The following ITIH1 variants were observed in gnomAD, a reference collection of about 807,000 sequenced individuals.
The protein encoded by ITIH1 is inter-alpha-trypsin inhibitor heavy chain 1.
ITIH1 carries 94 observed loss-of-function variants against 104.6 expected under a neutral mutation model. The observed-to-expected ratio is 0.90, with a 90% CI of 0.76 to 1.07. The LOEUF (loss-of-function observed/expected upper bound fraction) is 1.07, where lower values mean the gene tolerates loss of function less well. Among genes scored for constraint, ITIH1 ranks in the 50% least tolerant of loss-of-function variants. The pLI is 0.00. For synonymous variants in ITIH1, 455 were observed against 464.4 expected, an observed-to-expected ratio of 0.98 and a Z score of 0.26; for missense variants, 1,193 against 1,181.4, an observed-to-expected ratio of 1.01 and a Z score of -0.14.
intron 12 of ITIH1, among the ~76,000 whole-genome samples, chr3:52,785,473 C>T (rs1458801732): frequency 6.6e-6 from 1 of 152,200 alleles, no homozygotes; most frequent in Non-Finnish European, 1.5e-5. Context: ...CCCCCAGTGA[C>T]CAATTGTTAT....
chr3:52,777,728 G>A lies in ITIH1; in HGVS notation c.113G>A (p.Ser38Asn), dbSNP rs1353164136. ...LGSATGRSKS[S>N]EKRQAVDTAV... ...TCGGCTACAGGCAGGTCCAAGAGCA[G>A]CGAGGTATATGGCTAAGCCCACAGG... is the stretch of plus-strand genomic sequence containing the variant. The change falls in exon 1 of 22, where the codon AGC becomes AAC. Residue 38 changes from serine (S) to asparagine (N), a missense_variant. Physicochemically the swap from Ser to Asn is conservative, Grantham distance 46 (BLOSUM62 1). Coordinates refer to ENST00000273283, the MANE Select transcript of ITIH1 (RefSeq NM_002215.4). 1 of 1,583,526 alleles carries A rather than the reference G, an allele frequency of 6.3e-7. No homozygotes were observed. Among genetic ancestry groups the A allele is most frequent in the Non-Finnish European group, 8.6e-7 (1 of 1,165,834 alleles).
At chr3:52,781,818 C>T in intron 6 of ITIH1, 122 bp from the exon 7 acceptor site, 1 of 1,307,766 alleles carries the variant, frequency 7.6e-7, no homozygotes, top group Middle Eastern at 2.7e-4. Context: ...GCCCACCGAA[C>T]TCGTTTCTCT....
chr3:52,785,824 C>T (rs1699182575), intron 12 of ITIH1, among the ~76,000 whole-genome samples: 1 of 152,244 alleles, frequency 6.6e-6, no homozygotes, highest in African/African-American at 2.4e-5. Context: ...CATACTGCAT[C>T]AGAGCATTGT....
intron 13 of ITIH1, 31 bp downstream of exon 13, chr3:52,786,465 A>C: frequency 7.7e-6 from 12 of 1,556,662 alleles, no homozygotes; most frequent in Non-Finnish European, 1.0e-5. Context: ...CCAGGTGGGC[A>C]CTGCCCACCC....
At chr3:52,783,367 G>T in intron 10 of ITIH1, 28 bp downstream of exon 10, 1 of 1,609,644 alleles carries the variant, frequency 6.2e-7, no homozygotes, top group Middle Eastern at 1.9e-4. Flanking sequence ...TGCCTTGGGA[G>T]GTAGTGATCT....
Position 52,791,668 on chromosome 3 carries a change from C to G in ITIH1, c.2606+40C>G, listed in dbSNP as rs371192594. 10 of 1,610,396 alleles carry G rather than the reference C, an allele frequency of 6.2e-6. No homozygotes were observed. In the African/African-American group the frequency reaches 9.3e-5, roughly 15 times the overall value. On this transcript the variant is annotated intron_variant, in intron 21 of 21. Coordinates refer to ENST00000273283, the MANE Select transcript of ITIH1 (RefSeq NM_002215.4). ...TGCCCAGCACGTCTGCCCTCGGCCACTTTGTAGTTCTTCCAGGTCTTCCTC... is the reference window on the plus strand; with the variant it reads ...TGCCCAGCACGTCTGCCCTCGGCCAGTTTGTAGTTCTTCCAGGTCTTCCTC...
chr3:52,781,817 A>G, intron 6 of ITIH1, 123 bp from the exon 7 acceptor site: 3 of 1,282,626 alleles, frequency 2.3e-6, no homozygotes, highest in Non-Finnish European at 3.3e-6. Flanking sequence ...GGCCCACCGA[A>G]CTCGTTTCTC....
Position 52,783,132 on chromosome 3 carries a change from G to A in ITIH1, c.1099+7G>A. On this transcript the variant is annotated splice_region_variant and intron_variant, in intron 9 of 21. Transcript: ENST00000273283. ...GGCTTTTCCCTGGATGAGGGTAAGG[G>A]TGGGGGTCTCAGGCAACCTTGATGT... 1 of 1,602,338 alleles carries A rather than the reference G, an allele frequency of 6.2e-7. No homozygotes were observed. The highest frequency in any genetic ancestry group is 8.5e-7 in the Non-Finnish European group (1 of 1,170,532).
In ITIH1 at chr3:52,778,462, C is replaced by T. The variant is rs766884203; in HGVS notation, c.261C>T (p.Phe87=). The T allele has an allele frequency of 2.6e-5, 42 of 1,614,134 alleles. No homozygotes were observed. In the Admixed American group the frequency reaches 3.8e-4, roughly 15 times the overall value. The stretch of plus-strand genomic sequence containing the variant: ...CCAATGAAGCCAGGGAAGTGGCCTT[C>T]GACCTGGAAATCCCCAAGACAGCAT... ...NTANEAREVA[F]DLEIPKTAFI... The change falls in exon 3 of 22, where the codon TTC becomes TTT. Residue 87 remains phenylalanine (F), a synonymous_variant. Coordinates refer to ENST00000273283, the MANE Select transcript of ITIH1 (RefSeq NM_002215.4).
In ITIH1 at chr3:52,779,088, C is replaced by T. The variant is rs766791691; in HGVS notation, c.410+42C>T. ...CTGGTCTCATCTCTAGGGCTGCCCT[C>T]CCCAGCCAGGACAGGTCTGATGGCT... On this transcript the variant is annotated intron_variant, in intron 4 of 21. Coordinates refer to ENST00000273283, the MANE Select transcript of ITIH1 (RefSeq NM_002215.4). The surrounding 1 kb of genome is among the most constrained non-coding windows in gnomAD (Gnocchi z 4.4). The T allele has an allele frequency of 3.6e-6, 5 of 1,373,882 alleles. No individual in the cohort carries two copies. Among genetic ancestry groups the T allele is most frequent in the South Asian group, 1.2e-5 (1 of 86,184 alleles). The allele number at this position is 1,373,882 out of a possible 1,614,324, so 85.1% of individuals were successfully genotyped here. A position where few individuals can be genotyped will look rare whatever the true frequency, so the allele number is the denominator to read the frequency against.
Position 52,780,341 on chromosome 3 carries a change from C to A in ITIH1, c.646C>A (p.Leu216Met), listed in dbSNP as rs1251245634. ...CCAGGCCTCTTTCCTGCCGAAGGAA[C>A]TGGCAGCCCAAACTATCAAGAAGTC... The part of the protein sequence containing the change: ...DAQASFLPKE[L>M]AAQTIKKSFS... Residue 216 changes from leucine to methionine, a missense_variant, in exon 6 of 22, where the codon CTG becomes ATG. By Grantham distance (15) the Leu-to-Met change is conservative (BLOSUM62 2). Coordinates refer to ENST00000273283, the MANE Select transcript of ITIH1 (RefSeq NM_002215.4). The A allele has an allele frequency of 2.5e-6, 4 of 1,613,996 alleles. No individual in the cohort carries two copies. The highest frequency in any genetic ancestry group is 3.4e-6 in the Non-Finnish European group (4 of 1,179,978).
rs36051478 is a variant in ITIH1, at chr3:52,786,839, C to CGAATGAATGAAT, written c.1734-85_1734-74dup. 1,478 of 1,174,738 alleles carry CGAATGAATGAAT rather than the reference C, an allele frequency of 1.3e-3. 14 individuals are homozygous for CGAATGAATGAAT. The African/African-American group carries it at 0.021, about 17-fold the overall frequency. 72.8% of individuals were successfully genotyped at this position (1,174,738 alleles called of 1,614,324 possible). On this transcript the variant is annotated intron_variant, in intron 13 of 21. Transcript: ENST00000273283. Reference sequence around the variant, plus strand: ...CCATGGGGGCTTAATACTTATGTGTCGAATGAATGAATGAATGAATGAATG... The same window carrying CGAATGAATGAAT: ...CCATGGGGGCTTAATACTTATGTGTCGAATGAATGAATGAATGAATGAATGAATGAATGAATG...
Position 52,785,243 on chromosome 3 carries a change from C to T in ITIH1, c.1593+14C>T. The T allele has an allele frequency of 6.2e-7, 1 of 1,612,656 alleles. No individual in the cohort carries two copies. The highest frequency in any genetic ancestry group is 8.5e-7 in the Non-Finnish European group (1 of 1,179,044). On this transcript the variant is annotated intron_variant, in intron 12 of 21. Transcript: ENST00000273283. ...CAGGCCCATGGGGTAAATGGTGGGC[C>T]ATGGAGGGTGGAGAGGCCAGGCAGC... is the stretch of plus-strand genomic sequence containing the variant.
At position 52,784,373 on chromosome 3, in the gene ITIH1, T is replaced by C. The variant is rs1373020492; in HGVS notation, c.1303T>C (p.Phe435Leu). The change falls in exon 11 of 22, where the codon TTC becomes CTC. Residue 435 changes from phenylalanine (F) to leucine (L), a missense_variant. Coordinates refer to ENST00000273283, the MANE Select transcript of ITIH1 (RefSeq NM_002215.4). The part of the protein sequence containing the change: ...RGRFPLYNLG[F>L]GHNVDFNFLE... ...CAGGTTCCCGCTCTACAACCTGGGT[T>C]TCGGCCACAATGTGGACTTTAACTT... The C allele has an allele frequency of 7.4e-6, 12 of 1,614,154 alleles. No individual in the cohort carries two copies. Among genetic ancestry groups the C allele is most frequent in the African/African-American group, 1.3e-5 (1 of 75,052 alleles).
Position 52,782,954 on chromosome 3 carries a change from C to T in ITIH1, c.931-3C>T. The T allele has an allele frequency of 6.2e-7, 1 of 1,613,592 alleles. No individual in the cohort carries two copies. The highest frequency in any genetic ancestry group is 8.5e-7 in the Non-Finnish European group (1 of 1,179,746). The stretch of plus-strand genomic sequence containing the variant: ...CTGTCTACTGACTGTTCTGTCCTTG[C>T]AGACCAAGGAGGCACTCCTTAAAAT... On this transcript the variant is annotated splice_region_variant and splice_polypyrimidine_tract_variant and intron_variant, in intron 8 of 21. Transcript: ENST00000273283.
chr3:52,782,849 C>T, intron 8 of ITIH1, 108 bp from the exon 9 acceptor site: 4 of 1,121,962 alleles, frequency 3.6e-6, no homozygotes, highest in Non-Finnish European at 5.2e-6. Context: ...CTATCTCCTC[C>T]TGCTTGTCCA....
intron 18 of ITIH1, 25 bp from the exon 19 acceptor site, chr3:52,789,628 C>G (rs761443287): frequency 2.5e-6 from 4 of 1,609,830 alleles, no homozygotes; most frequent in Non-Finnish European, 3.4e-6. Context: ...CTTCCCAACC[C>G]GGATGCCCTC....
intron 13 of ITIH1, 42 bp downstream of exon 13, chr3:52,786,476 C>T: frequency 1.3e-6 from 2 of 1,541,576 alleles, no homozygotes; most frequent in South Asian, 2.4e-5. Context: ...CTGCCCACCC[C>T]AGAGTCCCCC....
chr3:52,784,300 G>C lies in ITIH1; in HGVS notation c.1230G>C (p.Val410=). The part of the protein sequence containing the change: ...MLTDGDPTEG[V]TDRSQILKNV... ...ACCCAGGTGTGTGGCTTGCAGGGGT[G>C]ACGGACCGTTCCCAAATCCTCAAGA... is the stretch of plus-strand genomic sequence containing the variant. Residue 410 remains valine, a synonymous_variant, in exon 11 of 22, where the codon GTG becomes GTC. Transcript: ENST00000273283. The C allele has an allele frequency of 6.2e-7, 1 of 1,612,870 alleles. No homozygotes were observed. The highest frequency in any genetic ancestry group is 8.5e-7 in the Non-Finnish European group (1 of 1,179,372).
Sources: allele counts gnomAD v4.1 joint callset (sites outside exome capture counted in the v4.1 genomes callset), GRCh38; gene constraint gnomAD v4.1.1; non-coding constraint Gnocchi (gnomAD v3.1); transcripts MANE v1.5; gene names NCBI Gene and HGNC (gene_info 2026-07-23, HGNC 2026-07-21).